Variants in THADA observed in about 807,000 individuals in gnomAD.
THADA encodes the protein THADA armadillo repeat containing.
THADA carries 213 observed loss-of-function variants against 219.8 expected under a neutral mutation model. The ratio of observed to expected loss-of-function variants is 0.97; its 90% CI spans 0.87 to 1.09. THADA has a LOEUF of 1.09. Among genes scored for constraint, THADA ranks in the 50% least tolerant of loss-of-function variants. THADA has a pLI of 0.00. For missense variants in THADA, 2,956 were observed against 2,311.3 expected (o/e 1.28, Z -5.72); for synonymous variants, 1,018 against 828.9 (o/e 1.23, Z -3.92).
chr2:43,530,701 G>C (rs923462510), intron 21 of THADA, among the ~76,000 whole-genome samples: 4 of 152,184 alleles, frequency 2.6e-5, no homozygotes, highest in African/African-American at 7.2e-5. Flanking sequence ...ATTTACAACA[G>C]TTCATAATTT....
At chr2:43,411,325 T>C (rs1039372163) in intron 28 of THADA, among the ~76,000 whole-genome samples, 8 of 152,192 alleles carry the variant, frequency 5.3e-5, no homozygotes, top group Non-Finnish European at 1.2e-4. Flanking sequence ...TGAACAACAA[T>C]AGCACATATT....
intron 29 of THADA, among the ~76,000 whole-genome samples, chr2:43,393,428 C>T (rs771608157): frequency 3.9e-5 from 6 of 152,198 alleles, no homozygotes; most frequent in East Asian, 1.9e-4. Flanking sequence ...TTATCTCAGC[C>T]GGGTGCGGTG....
intron 30 of THADA, among the ~76,000 whole-genome samples, chr2:43,320,902 T>C (rs549229581): frequency 6.6e-6 from 1 of 152,050 alleles, no homozygotes; most frequent in Non-Finnish European, 1.5e-5. Context: ...CATTTTTAAG[T>C]ATAGAAATTT....
chr2:43,334,371 G>A (rs559609058), intron 30 of THADA, among the ~76,000 whole-genome samples: 8 of 152,078 alleles, frequency 5.3e-5, no homozygotes, highest in Non-Finnish European at 8.8e-5. Flanking sequence ...TAGATTATTA[G>A]AATTAACTTG....
intron 15 of THADA, chr2:43,564,722 G>C (rs912501966): frequency 1.3e-5 from 2 of 152,178 alleles, no homozygotes; most frequent in African/African-American, 4.8e-5. Context: ...ACTGGAACAA[G>C]CCAGTATCAT....
At chr2:43,463,918 C>G (rs951609871) in intron 26 of THADA, among the ~76,000 whole-genome samples, 2 of 152,014 alleles carry the variant, frequency 1.3e-5, no homozygotes, top group Admixed American at 1.3e-4. Context: ...TAAAATTTGC[C>G]GGAAGAAGCT....
chr2:43,434,830 C>T (rs1200256818), intron 26 of THADA, among the ~76,000 whole-genome samples: 1 of 152,190 alleles, frequency 6.6e-6, no homozygotes, highest in African/African-American at 2.4e-5. Context: ...GTCCTTGCAA[C>T]AAGGCAAGGG....
chr2:43,422,058 A>C (rs2104792811), intron 28 of THADA, among the ~76,000 whole-genome samples: 1 of 152,380 alleles, frequency 6.6e-6, no homozygotes, highest in East Asian at 1.9e-4. Context: ...GATGATATCC[A>C]GTCCAACCTC....
chr2:43,249,140 T>G (rs1669560442), intron 36 of THADA, among the ~76,000 whole-genome samples: 1 of 151,812 alleles, frequency 6.6e-6, no homozygotes, highest in South Asian at 2.1e-4. Flanking sequence ...CTGGGTGGAG[T>G]GCAGTGGTGC....
Position 43,541,201 on chromosome 2 carries a change from C to T in THADA, c.3222G>A (p.Gln1074=). The T allele has an allele frequency of 6.2e-7, 1 of 1,607,322 alleles. No individual in the cohort carries two copies. Residue 1074 remains glutamine, a synonymous_variant, in exon 21 of 38, where the codon CAG becomes CAA. Transcript: ENST00000405975. The stretch of plus-strand genomic sequence containing the variant: ...ATCCATCAGAAGATTCTGGCACAGG[C>T]TGCATGGGCAGAAGCTGGCACAACA... ...LGMLCQLLPM[Q]PVPESSDGLL...
At chr2:43,502,599 A>AAAAAAAG (rs1558866909) in intron 24 of THADA, among the ~76,000 whole-genome samples, 1 of 146,382 alleles carries the variant, frequency 6.8e-6, no homozygotes, top group African/African-American at 2.6e-5. Flanking sequence ...AAAAAAAAAA[A>AAAAAAAG]AAAGAAAGAA....
At chr2:43,354,647 G>C (rs35052120) in intron 29 of THADA, among the ~76,000 whole-genome samples, 3,453 of 152,102 alleles carry the variant, frequency 0.023, 58 homozygotes, top group South Asian at 0.095. Context: ...ACTTAACATG[G>C]AACCTCTAGT....
At chr2:43,400,273 G>C (rs903665542) in intron 28 of THADA, among the ~76,000 whole-genome samples, 7 of 151,910 alleles carry the variant, frequency 4.6e-5, no homozygotes, top group Non-Finnish European at 1.0e-4. Flanking sequence ...TGTTAGGGTG[G>C]TTTCCAAATG....
chr2:43,267,148 C>A (rs1337800131), intron 36 of THADA, among the ~76,000 whole-genome samples: 2 of 152,162 alleles, frequency 1.3e-5, no homozygotes, highest in Non-Finnish European at 2.9e-5. Flanking sequence ...ACAAACTTAC[C>A]AAGTTAGTGA....
At chr2:43,366,755 G>T (rs1670201724) in intron 29 of THADA, among the ~76,000 whole-genome samples, 1 of 152,144 alleles carries the variant, frequency 6.6e-6, no homozygotes, top group African/African-American at 2.4e-5. Flanking sequence ...TGATTACCAA[G>T]TAACCTTGCA....
At chr2:43,513,447 T>G (rs986608662) in intron 22 of THADA, among the ~76,000 whole-genome samples, 19 of 152,184 alleles carry the variant, frequency 1.2e-4, no homozygotes, top group African/African-American at 4.6e-4. Flanking sequence ...TTAGAAGCAG[T>G]AGTGGCAGCC....
intron 34 of THADA, among the ~76,000 whole-genome samples, chr2:43,290,706 T>C (rs376629866): frequency 6.6e-6 from 1 of 152,200 alleles, no homozygotes. Context: ...GGGTCCACAA[T>C]GTTATGCCAC....
intron 26 of THADA, among the ~76,000 whole-genome samples, chr2:43,467,764 A>G (rs1684429458): frequency 6.6e-6 from 1 of 151,776 alleles, no homozygotes. Flanking sequence ...AAATTTCAAC[A>G]AAATTATGAC....
rs943596495 is a variant in THADA at position 43,284,529 on chromosome 2, A to G, written c.5164+2379T>C. ...GTTTGGGAACCTCTGCCTAAAGTTCAGAGGGATGATGAAAACACCCAGATG... is the reference window on the plus strand; with the variant it reads ...GTTTGGGAACCTCTGCCTAAAGTTCGGAGGGATGATGAAAACACCCAGATG... On this transcript the variant is annotated intron_variant, in intron 35 of 37. Coordinates refer to ENST00000405975, the MANE Select transcript of THADA (RefSeq NM_022065.5). Among the ~76,000 whole-genome samples, 4 of 152,358 alleles carry G rather than the reference A, an allele frequency of 2.6e-5. No homozygotes were observed. In the South Asian group the frequency reaches 6.2e-4, roughly 24 times the overall value.
Sources: gnomAD v4.1 joint callset for allele counts (sites outside exome capture counted in the v4.1 genomes callset) on GRCh38, gnomAD v4.1.1 for gene constraint, MANE v1.5 for transcripts, NCBI Gene and HGNC (gene_info 2026-07-23, HGNC 2026-07-21) for gene names.